Variants in NEK11 observed in about 807,000 individuals in gnomAD.
NEK11 encodes NIMA related kinase 11, also known as serine/threonine-protein kinase Nek11.
Under a neutral mutation model 80.7 loss-of-function variants are expected in NEK11, and 72 were observed. That is an observed-to-expected ratio of 0.89 (90% CI 0.74 to 1.08). NEK11 has a LOEUF of 1.08. Ranked by LOEUF, NEK11 falls within the 50% of genes least tolerant of loss-of-function variation. NEK11 has a pLI of 0.00. For missense variants in NEK11, 764 were observed against 763.6 expected, an observed-to-expected ratio of 1.00 and a Z score of -0.01; for synonymous variants, 251 against 260.7, an observed-to-expected ratio of 0.96 and a Z score of 0.36.
intron 15 of NEK11, among the ~76,000 whole-genome samples, chr3:131,242,517 A>G (rs7652070): frequency 0.018 from 2,724 of 152,246 alleles, 80 homozygotes; most frequent in African/African-American, 0.062. Flanking sequence ...ATAATTCTCA[A>G]TCACACTGGC....
intron 3 of NEK11, among the ~76,000 whole-genome samples, chr3:131,032,797 T>C (rs1049041126): frequency 2.0e-5 from 3 of 152,228 alleles, no homozygotes; most frequent in African/African-American, 7.2e-5. Flanking sequence ...GATGTCACAT[T>C]GCCTTGCTCA....
chr3:131,119,079 T>G (rs1211947675), intron 5 of NEK11, among the ~76,000 whole-genome samples: 1 of 152,186 alleles, frequency 6.6e-6, no homozygotes, highest in Non-Finnish European at 1.5e-5. Flanking sequence ...CAATTTTAGA[T>G]CTTTCCTGCT....
At chr3:131,349,437 C>T (rs2097421488) in intron 17 of NEK11, 120 bp from the exon 18 acceptor site, 3 of 800,688 alleles carry the variant, frequency 3.7e-6, no homozygotes, top group Admixed American at 2.8e-5. Context: ...CCTTTTCTTC[C>T]CCCTTTTTTT....
At chr3:131,256,841 C>G (rs1011646739) in intron 16 of NEK11, among the ~76,000 whole-genome samples, 3 of 152,128 alleles carry the variant, frequency 2.0e-5, no homozygotes, top group Admixed American at 1.3e-4. Context: ...CACAGAGAAT[C>G]TTGAGTGTCC....
At chr3:131,118,930 T>C (rs145913803) in intron 5 of NEK11, among the ~76,000 whole-genome samples, 236 of 152,290 alleles carry the variant, frequency 1.5e-3, no homozygotes, top group African/African-American at 5.3e-3. Context: ...AGCTCCTGGA[T>C]TGATTGATTT....
Position 131,177,682 on chromosome 3 carries a change from G to T in NEK11, c.1399+6795G>T, listed in dbSNP as rs147133933. 8.2e-3 allele frequency among the ~76,000 whole-genome samples: 1,251 copies of T among 152,288 alleles called. 11 individuals carry two copies. The highest frequency in any genetic ancestry group is 0.01 in the Non-Finnish European group (699 of 68,016). On this transcript the variant is annotated intron_variant, in intron 14 of 17. Transcript: ENST00000383366. ...CTTACAGTACTGAGGTTGTGAACCT[G>T]ACTGTTGCCCTAGCGTAGGTTGAAA...
chr3:131,209,902 C>G (rs1275971634), intron 14 of NEK11, among the ~76,000 whole-genome samples: 1 of 152,096 alleles, frequency 6.6e-6, no homozygotes, highest in Non-Finnish European at 1.5e-5. Flanking sequence ...TTGCTAGCAT[C>G]TATCTATTTT....
At chr3:131,243,602 C>A in intron 16 of NEK11, 106 bp downstream of exon 16, 3 of 933,462 alleles carry the variant, frequency 3.2e-6, no homozygotes, top group Non-Finnish European at 4.9e-6. Flanking sequence ...CTTAGTATAA[C>A]AGATGAAGAA....
At chr3:131,098,862 T>C (rs1390913729) in intron 4 of NEK11, among the ~76,000 whole-genome samples, 1 of 152,116 alleles carries the variant, frequency 6.6e-6, no homozygotes, top group Non-Finnish European at 1.5e-5. Flanking sequence ...AACTTCCTTA[T>C]AGATTCTGGA....
intron 16 of NEK11, among the ~76,000 whole-genome samples, chr3:131,250,791 G>A (rs1561200309): frequency 6.6e-6 from 1 of 152,092 alleles, no homozygotes; most frequent in Non-Finnish European, 1.5e-5. Context: ...ATCATAATGA[G>A]AGGAGTTTGC....
At chr3:131,189,535 C>T (rs536649958) in intron 14 of NEK11, among the ~76,000 whole-genome samples, 1 of 152,190 alleles carries the variant, frequency 6.6e-6, no homozygotes, top group Non-Finnish European at 1.5e-5. Context: ...TCTCATCACC[C>T]CTCAAAGGCT....
intron 14 of NEK11, among the ~76,000 whole-genome samples, chr3:131,209,589 A>T (rs2094548186): frequency 6.6e-6 from 1 of 152,152 alleles, no homozygotes; most frequent in Admixed American, 6.5e-5. Flanking sequence ...CCTCTGGTAG[A>T]ATTTGGCTGT....
intron 4 of NEK11, among the ~76,000 whole-genome samples, chr3:131,096,375 G>A (rs2077431692): frequency 6.6e-6 from 1 of 152,064 alleles, no homozygotes; most frequent in Non-Finnish European, 1.5e-5. Context: ...TTTTATGGCT[G>A]TGGAGTATTC....
intron 4 of NEK11, among the ~76,000 whole-genome samples, chr3:131,087,271 C>T (rs951440741): frequency 2.4e-5 from 3 of 123,704 alleles, no homozygotes; most frequent in Non-Finnish European, 4.9e-5. Context: ...GACAGAGTCT[C>T]ACCTCATTGC....
chr3:131,099,516 A>T (rs1022988269), intron 4 of NEK11, among the ~76,000 whole-genome samples: 1 of 152,144 alleles, frequency 6.6e-6, no homozygotes. Context: ...TGATGCTGGT[A>T]GTTTGATAGG....
chr3:131,135,708 T>C (rs1308961096), intron 7 of NEK11, among the ~76,000 whole-genome samples: 2 of 152,146 alleles, frequency 1.3e-5, no homozygotes, highest in Non-Finnish European at 2.9e-5. Context: ...TAGATTCAAA[T>C]ATATATCTTT....
chr3:131,035,845 G>T (rs1448729153), intron 3 of NEK11, among the ~76,000 whole-genome samples: 1 of 152,198 alleles, frequency 6.6e-6, no homozygotes, highest in Admixed American at 6.5e-5. Context: ...TTGACAAAAT[G>T]GAACAGCTGT....
intron 17 of NEK11, among the ~76,000 whole-genome samples, chr3:131,334,186 C>A (rs1213947642): frequency 6.6e-6 from 1 of 152,208 alleles, no homozygotes; most frequent in African/African-American, 2.4e-5. Flanking sequence ...CACCACACCA[C>A]ACCTATTCCA....
chr3:131,155,892 A>C (rs1373547731), intron 10 of NEK11, among the ~76,000 whole-genome samples: 2 of 152,224 alleles, frequency 1.3e-5, no homozygotes, highest in African/African-American at 4.8e-5. Context: ...GGAAATTTGC[A>C]TGATCTCCAG....
Sources: allele counts gnomAD v4.1 joint callset (sites outside exome capture counted in the v4.1 genomes callset), GRCh38; gene constraint gnomAD v4.1.1; transcripts MANE v1.5; gene names NCBI Gene and HGNC (gene_info 2026-07-23, HGNC 2026-07-21).